Variants in BNC2 observed in about 807,000 individuals in gnomAD.
BNC2 encodes the protein basonuclin zinc finger protein 2, also known as zinc finger protein basonuclin-2.
BNC2 carries 20 observed loss-of-function variants against 76.3 expected under a neutral mutation model. That is an observed-to-expected ratio of 0.26 (90% confidence interval 0.18 to 0.38). The LOEUF (loss-of-function observed/expected upper bound fraction) is 0.38, where lower values mean the gene tolerates loss of function less well. Ranked by LOEUF, BNC2 falls within the 10% of genes least tolerant of loss-of-function variation. BNC2 has a pLI of 1.00. For missense variants in BNC2, 1,382 were observed against 1,399.8 expected (o/e 0.99, Z 0.20); for synonymous variants, 582 against 514.8 (o/e 1.13, Z -1.77).
At chr9:16,693,562 G>C (rs917483326) in intron 3 of BNC2, among the ~76,000 whole-genome samples, 1 of 152,124 alleles carries the variant, frequency 6.6e-6, no homozygotes, top group African/African-American at 2.4e-5. Flanking sequence ...TAAAGTTTGA[G>C]GCTCCCTAGC....
At chr9:16,570,476 T>C (rs546102425) in intron 4 of BNC2, among the ~76,000 whole-genome samples, 1 of 152,300 alleles carries the variant, frequency 6.6e-6, no homozygotes, top group East Asian at 1.9e-4. Context: ...TCTTCTGGAC[T>C]GCTGGATTTG....
chr9:16,453,761 G>A (rs1040759024), intron 5 of BNC2, among the ~76,000 whole-genome samples: 1 of 152,182 alleles, frequency 6.6e-6, no homozygotes, highest in Non-Finnish European at 1.5e-5. Flanking sequence ...AGGTTGCAGT[G>A]AGCTGAGATC....
rs555777367 is a variant in BNC2 at position 16,686,226 on chromosome 9, G to T, written c.330+41571C>A. ...TTTAAGCTTAAAAACCTTGTTTTAT[G>T]TATCTGTCCTAATAATAAAAAAACA... On this transcript the variant is annotated intron_variant, in intron 3 of 6. Coordinates refer to ENST00000380672, the MANE Select transcript of BNC2 (RefSeq NM_017637.6). Among the ~76,000 whole-genome samples, 79 of 152,140 alleles carry T rather than the reference G, an allele frequency of 5.2e-4. 1 individual carries two copies. Among genetic ancestry groups the T allele is most frequent in the African/African-American group, 1.7e-3 (71 of 41,518 alleles).
intron 5 of BNC2, among the ~76,000 whole-genome samples, chr9:16,467,612 C>T (rs2131322999): frequency 7.0e-6 from 1 of 141,848 alleles, no homozygotes; most frequent in South Asian, 2.5e-4. Context: ...TATTCTCACT[C>T]ATAGGTGGGA....
chr9:16,671,253 G>A (rs1317247219), intron 3 of BNC2, among the ~76,000 whole-genome samples: 3 of 151,894 alleles, frequency 2.0e-5, no homozygotes, highest in Admixed American at 6.6e-5. Context: ...ACATCACATC[G>A]GCTCCTCCTA....
At chr9:16,583,818 T>C (rs1352536024) in intron 3 of BNC2, among the ~76,000 whole-genome samples, 1 of 152,202 alleles carries the variant, frequency 6.6e-6, no homozygotes, top group Non-Finnish European at 1.5e-5. Flanking sequence ...ATATTTTATA[T>C]CTGGAACAGT....
chr9:16,644,776 G>A (rs1821579398), intron 3 of BNC2, among the ~76,000 whole-genome samples: 1 of 152,190 alleles, frequency 6.6e-6, no homozygotes, highest in Non-Finnish European at 1.5e-5. Flanking sequence ...CTGTCAAGGA[G>A]GGGATGAGCT....
chr9:16,711,228 C>A (rs987995209), intron 3 of BNC2, among the ~76,000 whole-genome samples: 2 of 152,026 alleles, frequency 1.3e-5, no homozygotes, highest in South Asian at 2.1e-4. Context: ...TTAAATGTCT[C>A]GTTGAAACTA....
intron 6 of BNC2, among the ~76,000 whole-genome samples, chr9:16,432,409 C>T (rs1039903834): frequency 1.3e-5 from 2 of 152,164 alleles, no homozygotes; most frequent in Non-Finnish European, 2.9e-5. Flanking sequence ...ACCTAAAAGA[C>T]ACTATTTAAC....
chr9:16,478,597 G>A (rs1406392697), intron 5 of BNC2, among the ~76,000 whole-genome samples: 8 of 152,290 alleles, frequency 5.3e-5, no homozygotes, highest in Non-Finnish European at 1.0e-4. Flanking sequence ...AATGAACAGT[G>A]TTAGTGTAAC....
intron 1 of BNC2, among the ~76,000 whole-genome samples, chr9:16,766,215 A>C (rs970211197): frequency 1.3e-5 from 2 of 152,054 alleles, no homozygotes; most frequent in Admixed American, 1.3e-4. Context: ...ATGTGCTTTT[A>C]ATGTAGTTTT....
chr9:16,857,480 TAA>T (rs60082380), intron 1 of BNC2, among the ~76,000 whole-genome samples: 1,492 of 75,760 alleles, frequency 0.02, 12 homozygotes, highest in African/African-American at 0.057. Flanking sequence ...CTGTCTCAAA[TAA>T]AAAAAAAAAA....
At chr9:16,504,498 G>A (rs1419890849) in intron 5 of BNC2, among the ~76,000 whole-genome samples, 1 of 152,018 alleles carries the variant, frequency 6.6e-6, no homozygotes, top group African/African-American at 2.4e-5. Flanking sequence ...CCTGAATTCA[G>A]ATTAAAATGT....
rs942223159 is a variant in BNC2 at position 16,731,983 on chromosome 9, T to G, written c.130-3986A>C. ...TACAAAAAATTTGCATTTCAGTTAG[T>G]GTGGGATAACAAGACTATAGGGAGG... On this transcript the variant is annotated intron_variant, in intron 2 of 6. Transcript: ENST00000380672. Among the ~76,000 whole-genome samples, 3 of 151,934 alleles carry G rather than the reference T, an allele frequency of 2.0e-5. 1 individual carries two copies. Among genetic ancestry groups the G allele is most frequent in the Admixed American group, 2.0e-4 (3 of 15,272 alleles).
chr9:16,597,802 A>G lies in BNC2; in HGVS notation c.331-14717T>C, dbSNP rs183385148. Among the ~76,000 whole-genome samples, 107 of 152,162 alleles carry G rather than the reference A, an allele frequency of 7.0e-4. 1 individual carries two copies. Among genetic ancestry groups the G allele is most frequent in the African/African-American group, 2.4e-3 (98 of 41,580 alleles). On this transcript the variant is annotated intron_variant, in intron 3 of 6. Transcript: ENST00000380672. ...TTTGTACAAAGCTAGTTGTGATTTA[A>G]AATATAAATTTATCTATTTTAAATA...
chr9:16,577,934 C>T (rs1587193069), intron 4 of BNC2, among the ~76,000 whole-genome samples: 1 of 152,126 alleles, frequency 6.6e-6, no homozygotes, highest in African/African-American at 2.4e-5. Flanking sequence ...ACAGAGAAAG[C>T]TGCTGTGGGT....
At chr9:16,496,189 G>A (rs772892250) in intron 5 of BNC2, among the ~76,000 whole-genome samples, 15 of 151,868 alleles carry the variant, frequency 9.9e-5, no homozygotes, top group African/African-American at 3.4e-4. Flanking sequence ...GATTACAAGC[G>A]TGAGCCACTG....
intron 1 of BNC2, among the ~76,000 whole-genome samples, chr9:16,795,925 A>T (rs1586890664): frequency 6.6e-6 from 1 of 152,232 alleles, no homozygotes. Context: ...TTTACTAAGC[A>T]CCTCCAAGAG....
chr9:16,583,014 A>G lies in BNC2; in HGVS notation c.402T>C (p.Cys134=). The change falls in exon 4 of 7, where the codon TGT becomes TGC. Residue 134 remains cysteine, a synonymous_variant. Coordinates refer to ENST00000380672, the MANE Select transcript of BNC2 (RefSeq NM_017637.6). ...FQPGKINLRT[C]DQCKHGWVAH... is the part of the protein sequence containing the mutation. ...CCACCCAGCCATGTTTACACTGATC[A>G]CAAGTCCTCAGGTTAATCTTCCCTG... 3 of 1,614,016 alleles carry G rather than the reference A, an allele frequency of 1.9e-6. No individual in the cohort carries two copies. The highest frequency in any genetic ancestry group is 2.5e-6 in the Non-Finnish European group (3 of 1,179,974).
Sources: gnomAD v4.1 joint callset for allele counts (sites outside exome capture counted in the v4.1 genomes callset) on GRCh38, gnomAD v4.1.1 for gene constraint, MANE v1.5 for transcripts, NCBI Gene and HGNC (gene_info 2026-07-23, HGNC 2026-07-21) for gene names.